GALNTL6: variants seen among roughly 807,000 people sequenced by gnomAD.
GALNTL6 encodes polypeptide N-acetylgalactosaminyltransferase like 6, also known as polypeptide N-acetylgalactosaminyltransferase-like 6.
A neutral mutation model predicts 73.7 loss-of-function variants in GALNTL6; 46 were observed. The observed-to-expected ratio is 0.62, with a 90% confidence interval of 0.49 to 0.80. GALNTL6 has a LOEUF of 0.80. Among genes scored for constraint, GALNTL6 ranks in the 30% least tolerant of loss-of-function variants. The pLI, the probability that GALNTL6 is intolerant of heterozygous loss-of-function variation, is 0.00. For missense variants in GALNTL6, 604 were observed against 755.0 expected (o/e 0.80, Z 2.34); for synonymous variants, 259 against 263.7 (o/e 0.98, Z 0.17).
At chr4:171,975,036 T>G (rs1262768640) in intron 2 of GALNTL6, among the ~76,000 whole-genome samples, 1 of 152,218 alleles carries the variant, frequency 6.6e-6, no homozygotes, top group Non-Finnish European at 1.5e-5. Flanking sequence ...TTAACTTGTT[T>G]ATATTCAAAC....
chr4:172,218,198 A>C (rs529319588), intron 2 of GALNTL6, among the ~76,000 whole-genome samples: 3 of 152,234 alleles, frequency 2.0e-5, no homozygotes, highest in African/African-American at 7.2e-5. Flanking sequence ...CTTAGGTGAG[A>C]CAGATAAGCT....
chr4:171,890,501 G>A (rs902534771), intron 2 of GALNTL6, among the ~76,000 whole-genome samples: 7 of 151,978 alleles, frequency 4.6e-5, no homozygotes, highest in African/African-American at 1.7e-4. Context: ...GAAAAGTTAT[G>A]TCCTATCTTC....
At chr4:171,969,600 T>C (rs1468971686) in intron 2 of GALNTL6, among the ~76,000 whole-genome samples, 1 of 152,222 alleles carries the variant, frequency 6.6e-6, no homozygotes, top group East Asian at 1.9e-4. Flanking sequence ...GTCTGCTTTT[T>C]AGAGAACCTT....
At chr4:172,728,450 A>T (rs1479218190) in intron 5 of GALNTL6, among the ~76,000 whole-genome samples, 1 of 152,002 alleles carries the variant, frequency 6.6e-6, no homozygotes, top group African/African-American at 2.4e-5. Flanking sequence ...AAAAGACAGG[A>T]TTTCATGCTT....
intron 5 of GALNTL6, among the ~76,000 whole-genome samples, chr4:172,637,489 A>G (rs562677325): frequency 6.6e-6 from 1 of 152,322 alleles, no homozygotes; most frequent in East Asian, 1.9e-4. Flanking sequence ...ATTAACATGA[A>G]TGTAACTGTG....
At chr4:171,934,379 T>TTATG (rs1294609270) in intron 2 of GALNTL6, among the ~76,000 whole-genome samples, 2 of 152,142 alleles carry the variant, frequency 1.3e-5, no homozygotes, top group Admixed American at 6.6e-5. Flanking sequence ...AGACCCTTCT[T>TTATG]TATGTATGTA....
At chr4:172,162,579 GA>G (rs901032961) in intron 2 of GALNTL6, among the ~76,000 whole-genome samples, 49 of 152,030 alleles carry the variant, frequency 3.2e-4, no homozygotes, top group African/African-American at 1.2e-3. Flanking sequence ...AGGAAAAAGA[GA>G]AAAATAGCTG....
At chr4:172,106,850 A>G (rs1193994655) in intron 2 of GALNTL6, among the ~76,000 whole-genome samples, 1 of 152,142 alleles carries the variant, frequency 6.6e-6, no homozygotes, top group Admixed American at 6.6e-5. Context: ...TTTGTTAAAT[A>G]TCACTAGTCA....
intron 5 of GALNTL6, among the ~76,000 whole-genome samples, chr4:172,357,782 G>C (rs533179841): frequency 6.6e-6 from 1 of 152,068 alleles, no homozygotes; most frequent in East Asian, 1.9e-4. Flanking sequence ...CAACTGAGAG[G>C]CTAGTGGAGC....
chr4:173,033,381 C>A, intron 12 of GALNTL6, among the ~76,000 whole-genome samples: 1 of 58,686 alleles, frequency 1.7e-5, no homozygotes, highest in Non-Finnish European at 3.3e-5. Flanking sequence ...GGAATTCTAG[C>A]TGTCAAAAAA....
chr4:172,592,676 C>CTATT (rs1349985335), intron 5 of GALNTL6, among the ~76,000 whole-genome samples: 6 of 150,180 alleles, frequency 4.0e-5, no homozygotes, highest in Non-Finnish European at 5.9e-5. Context: ...GTCTGTCTAT[C>CTATT]TATCTATCTA....
At chr4:172,797,697 C>T (rs956897450) in intron 5 of GALNTL6, among the ~76,000 whole-genome samples, 2 of 152,066 alleles carry the variant, frequency 1.3e-5, no homozygotes, top group African/African-American at 4.8e-5. Flanking sequence ...CACCACCACG[C>T]CCTGCTAATT....
intron 5 of GALNTL6, among the ~76,000 whole-genome samples, chr4:172,386,330 G>A (rs866939710): frequency 1.3e-5 from 2 of 152,232 alleles, no homozygotes; most frequent in African/African-American, 2.4e-5. Context: ...GGCAGATCTG[G>A]TGTCTGGTAA....
intron 5 of GALNTL6, among the ~76,000 whole-genome samples, chr4:172,387,730 C>T (rs1743521827): frequency 6.6e-6 from 1 of 152,092 alleles, no homozygotes; most frequent in Non-Finnish European, 1.5e-5. Flanking sequence ...TCTAAGCAGT[C>T]CATGATCTTG....
chr4:172,229,834 C>T (rs1045112674), intron 3 of GALNTL6, 70 bp downstream of exon 3: 9 of 890,444 alleles, frequency 1.0e-5, no homozygotes. Flanking sequence ...CGTAAAGGAT[C>T]TCTAATTAGC....
intron 9 of GALNTL6, among the ~76,000 whole-genome samples, chr4:172,940,118 GA>G: frequency 6.8e-6 from 1 of 147,760 alleles, no homozygotes; most frequent in East Asian, 2.0e-4. Context: ...CAAGTATCAT[GA>G]AAAAAATATG....
intron 6 of GALNTL6, among the ~76,000 whole-genome samples, chr4:172,812,304 C>G (rs1448795223): frequency 6.6e-6 from 1 of 152,192 alleles, no homozygotes; most frequent in Non-Finnish European, 1.5e-5. Flanking sequence ...ATTTACTCCA[C>G]AATCTCTGGG....
intron 5 of GALNTL6, among the ~76,000 whole-genome samples, chr4:172,761,360 C>T (rs1738074846): frequency 6.6e-6 from 1 of 152,116 alleles, no homozygotes; most frequent in Admixed American, 6.5e-5. Flanking sequence ...TTAAAGTAAT[C>T]AGTATTATAT....
chr4:173,004,137 A>ACACG (rs1383269691), intron 10 of GALNTL6, among the ~76,000 whole-genome samples: 4 of 151,620 alleles, frequency 2.6e-5, no homozygotes, highest in African/African-American at 9.7e-5. Flanking sequence ...TGAGCTGTGA[A>ACACG]CACGCCACTG....
Sources: allele counts gnomAD v4.1 joint callset (sites outside exome capture counted in the v4.1 genomes callset), GRCh38; gene constraint gnomAD v4.1.1; transcripts MANE v1.5; gene names NCBI Gene and HGNC (gene_info 2026-07-23, HGNC 2026-07-21).